The following RNGTT variants were observed in gnomAD, a reference collection of about 807,000 sequenced individuals.
RNGTT encodes the protein mRNA-capping enzyme.
RNGTT carries 33 observed loss-of-function variants against 79.3 expected under a neutral mutation model. The ratio of observed to expected loss-of-function variants is 0.42; its 90% CI spans 0.32 to 0.56. RNGTT has a LOEUF of 0.56. Ranked by LOEUF, RNGTT falls within the 20% of genes least tolerant of loss-of-function variation. The pLI, the probability that RNGTT is intolerant of heterozygous loss-of-function variation, is 0.17. For synonymous variants in RNGTT, 222 were observed against 235.9 expected, an observed-to-expected ratio of 0.94 and a Z score of 0.54; for missense variants, 497 against 739.1, an observed-to-expected ratio of 0.67 and a Z score of 3.80.
At chr6:88,902,044 C>T (rs1467215735) in intron 6 of RNGTT, among the ~76,000 whole-genome samples, 2 of 151,808 alleles carry the variant, frequency 1.3e-5, no homozygotes, top group African/African-American at 2.4e-5. Context: ...ATGCCATGGC[C>T]GGGCATGGTG....
intron 12 of RNGTT, among the ~76,000 whole-genome samples, chr6:88,770,931 T>C (rs1055208577): frequency 1.3e-5 from 2 of 152,154 alleles, no homozygotes; most frequent in Non-Finnish European, 2.9e-5. Flanking sequence ...TTCAAATCTT[T>C]TACTCTTGTT....
intron 14 of RNGTT, among the ~76,000 whole-genome samples, chr6:88,628,447 A>C (rs536997936): frequency 2.6e-5 from 4 of 152,180 alleles, no homozygotes; most frequent in Non-Finnish European, 5.9e-5. Flanking sequence ...ATTGGTGTGT[A>C]TGTGTGAACA....
chr6:88,813,211 C>A (rs776251965), intron 11 of RNGTT, among the ~76,000 whole-genome samples: 1 of 152,150 alleles, frequency 6.6e-6, no homozygotes, highest in Non-Finnish European at 1.5e-5. Context: ...CTGGCGTTTG[C>A]ACAGAACGAA....
rs1459075625 is a variant in RNGTT, at chr6:88,860,814, T to G, written c.897-7050A>C. On this transcript the variant is annotated intron_variant, in intron 8 of 15. Coordinates refer to ENST00000369485, the MANE Select transcript of RNGTT (RefSeq NM_003800.5). ...GATAGTGAGACCACATCTCTATTTT[T>G]TTTTTAACTTAAAAAAAAAAAAAAC... Among the ~76,000 whole-genome samples, 3 of 149,194 alleles carry G rather than the reference T, an allele frequency of 2.0e-5. No individual in the cohort carries two copies. In the East Asian group the frequency reaches 5.8e-4, roughly 29 times the overall value.
intron 13 of RNGTT, among the ~76,000 whole-genome samples, chr6:88,759,341 G>A (rs1400737136): frequency 1.3e-5 from 2 of 152,164 alleles, no homozygotes; most frequent in Non-Finnish European, 2.9e-5. Context: ...CTCCCTACCC[G>A]GCTCTAGAAT....
intron 8 of RNGTT, among the ~76,000 whole-genome samples, chr6:88,868,359 C>T (rs931363157): frequency 1.3e-5 from 2 of 152,202 alleles, no homozygotes; most frequent in Non-Finnish European, 1.5e-5. Context: ...AAAACTCTGA[C>T]ATGCTTCAAA....
intron 13 of RNGTT, among the ~76,000 whole-genome samples, chr6:88,761,055 A>ACACT (rs1778215482): frequency 6.9e-6 from 1 of 144,902 alleles, no homozygotes; most frequent in Non-Finnish European, 1.5e-5. Context: ...ACACACACAT[A>ACACT]CACTCTAGTC....
At chr6:88,846,767 A>C (rs1292012020) in intron 10 of RNGTT, among the ~76,000 whole-genome samples, 1 of 151,896 alleles carries the variant, frequency 6.6e-6, no homozygotes, top group Non-Finnish European at 1.5e-5. Context: ...CAAAAAAAAA[A>C]AAAAAAATGT....
chr6:88,637,071 G>A (rs1773126617), intron 14 of RNGTT, among the ~76,000 whole-genome samples: 1 of 152,068 alleles, frequency 6.6e-6, no homozygotes, highest in African/African-American at 2.4e-5. Flanking sequence ...TGGCTGCTGG[G>A]ACTGAATGAG....
At chr6:88,787,081 C>T (rs973119748) in intron 12 of RNGTT, among the ~76,000 whole-genome samples, 4 of 152,062 alleles carry the variant, frequency 2.6e-5, no homozygotes. Flanking sequence ...ATAAGCCACT[C>T]GGTTTATGGT....
chr6:88,877,252 A>G (rs1782546890), intron 8 of RNGTT, among the ~76,000 whole-genome samples: 1 of 152,224 alleles, frequency 6.6e-6, no homozygotes, highest in African/African-American at 2.4e-5. Flanking sequence ...ATATGCATTG[A>G]GTGCTGTATA....
intron 1 of RNGTT, among the ~76,000 whole-genome samples, chr6:88,958,924 C>T (rs1308390131): frequency 6.6e-6 from 1 of 152,118 alleles, no homozygotes; most frequent in African/African-American, 2.4e-5. Context: ...TACAGCAGCA[C>T]AATTTGCAAT....
chr6:88,805,509 T>C (rs927726862), intron 11 of RNGTT, among the ~76,000 whole-genome samples: 2 of 152,138 alleles, frequency 1.3e-5, no homozygotes, highest in Non-Finnish European at 2.9e-5. Flanking sequence ...AATAAATCCA[T>C]ATGCAGCTAT....
intron 13 of RNGTT, among the ~76,000 whole-genome samples, chr6:88,727,216 T>C (rs1449590434): frequency 1.3e-5 from 2 of 152,160 alleles, no homozygotes; most frequent in African/African-American, 4.8e-5. Context: ...TGTAAAACTA[T>C]TGAAGAAACA....
In RNGTT at chr6:88,791,720, T is replaced by C. The variant is rs369116150; in HGVS notation, c.1338+9844A>G. Among the ~76,000 whole-genome samples, 40 of 151,982 alleles carry C rather than the reference T, an allele frequency of 2.6e-4. 1 individual carries two copies. The East Asian group carries it at 2.9e-3, about 11-fold the overall frequency. Reference sequence around the variant, plus strand: ...ACACCCGGCTAATTTTTTGTATTTTTAGTAGAGACAGGGTTTCACCACGTT... The same window carrying C: ...ACACCCGGCTAATTTTTTGTATTTTCAGTAGAGACAGGGTTTCACCACGTT... On this transcript the variant is annotated intron_variant, in intron 12 of 15. Transcript: ENST00000369485.
Position 88,769,892 on chromosome 6 carries a change from G to A in RNGTT, c.1339-18C>T, listed in dbSNP as rs778814002. On this transcript the variant is annotated intron_variant, in intron 12 of 15. Transcript: ENST00000369485. The stretch of plus-strand genomic sequence containing the variant: ...TTGTATTTCTAAAGCCAATTAAAAT[G>A]ATGACAATCGTTACTAAGAAGTTAA... The A allele has an allele frequency of 1.7e-5, 26 of 1,538,972 alleles. 1 individual carries two copies. The South Asian group carries it at 2.7e-4, about 16-fold the overall frequency.
intron 11 of RNGTT, among the ~76,000 whole-genome samples, chr6:88,816,717 C>A (rs1780324639): frequency 6.6e-6 from 1 of 152,076 alleles, no homozygotes; most frequent in Non-Finnish European, 1.5e-5. Flanking sequence ...TTCAAAAAAA[C>A]CTTTGCGAGC....
At chr6:88,806,414 T>A (rs533008537) in intron 11 of RNGTT, among the ~76,000 whole-genome samples, 1 of 148,480 alleles carries the variant, frequency 6.7e-6, no homozygotes, top group African/African-American at 2.5e-5. Flanking sequence ...GCTTCCCGGG[T>A]TCAAGAGATT....
chr6:88,914,604 G>T (rs1045804966), intron 4 of RNGTT, among the ~76,000 whole-genome samples: 3 of 151,964 alleles, frequency 2.0e-5, no homozygotes, highest in Non-Finnish European at 2.9e-5. Flanking sequence ...AATTAAACTG[G>T]ACCCCTATTT....
Sources: allele counts gnomAD v4.1 joint callset (sites outside exome capture counted in the v4.1 genomes callset), GRCh38; gene constraint gnomAD v4.1.1; transcripts MANE v1.5; gene names NCBI Gene and HGNC (gene_info 2026-07-23, HGNC 2026-07-21).